Variants in CADM2 observed in about 807,000 individuals in gnomAD.
CADM2 encodes immunoglobulin superfamily member 4D.
Under a neutral mutation model 49.8 loss-of-function variants are expected in CADM2, and 12 were observed. The observed-to-expected ratio is 0.24, with a 90% CI of 0.15 to 0.39. The LOEUF (loss-of-function observed/expected upper bound fraction) is 0.39, where lower values mean the gene tolerates loss of function less well. CADM2 is among the 10% of genes least tolerant of loss of function. CADM2 has a pLI of 1.00. For missense variants in CADM2, 378 were observed against 492.3 expected (o/e 0.77, Z 2.20); for synonymous variants, 214 against 175.4 (o/e 1.22, Z -1.74).
chr3:85,430,195 A>G (rs1234392992), intron 1 of CADM2, among the ~76,000 whole-genome samples: 1 of 152,206 alleles, frequency 6.6e-6, no homozygotes, highest in Non-Finnish European at 1.5e-5. Context: ...AGATAATTGC[A>G]GGTACTTCAG....
intron 1 of CADM2, among the ~76,000 whole-genome samples, chr3:85,380,545 C>T (rs1452351388): frequency 6.6e-6 from 1 of 151,748 alleles, no homozygotes; most frequent in Non-Finnish European, 1.5e-5. Flanking sequence ...TTTTTAAATA[C>T]AATGATATAC....
At chr3:85,322,759 A>G (rs1263186255) in intron 1 of CADM2, among the ~76,000 whole-genome samples, 3 of 152,152 alleles carry the variant, frequency 2.0e-5, no homozygotes, top group African/African-American at 4.8e-5. Flanking sequence ...GTGCCTAAAC[A>G]CTGAGATCCA....
At chr3:85,189,483 A>C (rs551152542) in intron 1 of CADM2, among the ~76,000 whole-genome samples, 3 of 152,130 alleles carry the variant, frequency 2.0e-5, no homozygotes, top group Non-Finnish European at 4.4e-5. Context: ...TTATTTTTGA[A>C]CCCATAAAGA....
intron 1 of CADM2, among the ~76,000 whole-genome samples, chr3:85,506,988 C>G (rs978964106): frequency 1.3e-5 from 2 of 151,950 alleles, no homozygotes; most frequent in Admixed American, 1.3e-4. Context: ...TTATCTAAAA[C>G]AAGGTTTTTA....
intron 3 of CADM2, among the ~76,000 whole-genome samples, chr3:85,873,639 C>T (rs111532918): frequency 0.044 from 6,660 of 151,942 alleles, 499 homozygotes; most frequent in African/African-American, 0.15. Flanking sequence ...GCACTCCAGC[C>T]TGGGTGACAG....
At chr3:85,871,015 A>G (rs1333153712) in intron 3 of CADM2, among the ~76,000 whole-genome samples, 1 of 152,252 alleles carries the variant, frequency 6.6e-6, no homozygotes, top group Non-Finnish European at 1.5e-5. Flanking sequence ...GCCAAAAGCA[A>G]TCACAACAAA....
At chr3:86,061,971 A>G (rs535269217) in intron 8 of CADM2, among the ~76,000 whole-genome samples, 1 of 129,532 alleles carries the variant, frequency 7.7e-6, no homozygotes, top group South Asian at 2.7e-4. Flanking sequence ...AGAATCCCTC[A>G]GGTGCTGTTG....
At chr3:85,300,071 G>T (rs1339214639) in intron 1 of CADM2, among the ~76,000 whole-genome samples, 1 of 151,884 alleles carries the variant, frequency 6.6e-6, no homozygotes, top group Non-Finnish European at 1.5e-5. Flanking sequence ...CTCATGGAAG[G>T]CATGAGTGAT....
chr3:85,768,108 G>A (rs992048668), intron 2 of CADM2, among the ~76,000 whole-genome samples: 2 of 152,022 alleles, frequency 1.3e-5, no homozygotes, highest in African/African-American at 4.8e-5. Flanking sequence ...TTTACCATAA[G>A]TTCATTAACA....
At chr3:85,864,057 G>A (rs2075635002) in intron 3 of CADM2, among the ~76,000 whole-genome samples, 1 of 152,132 alleles carries the variant, frequency 6.6e-6, no homozygotes, top group Admixed American at 6.5e-5. Flanking sequence ...ATCTTAGGAC[G>A]AGAGTCCAGG....
At chr3:85,396,287 T>G (rs945247331) in intron 1 of CADM2, among the ~76,000 whole-genome samples, 2 of 151,968 alleles carry the variant, frequency 1.3e-5, no homozygotes, top group East Asian at 3.9e-4. Context: ...ATGTCATTAT[T>G]CATATATAAT....
At chr3:85,691,893 C>A in intron 1 of CADM2, among the ~76,000 whole-genome samples, 1 of 151,994 alleles carries the variant, frequency 6.6e-6, no homozygotes, top group African/African-American at 2.4e-5. Context: ...CCAAACACCG[C>A]ATGTTCTCAC....
intron 1 of CADM2, among the ~76,000 whole-genome samples, chr3:85,359,667 T>TATATATATATATA (rs1491224693): frequency 9.1e-4 from 15 of 16,478 alleles, no homozygotes; most frequent in East Asian, 1.9e-3. Flanking sequence ...TATATATATA[T>TATATATATATATA]TTTTTTTTTT....
intron 5 of CADM2, among the ~76,000 whole-genome samples, chr3:85,898,216 G>T (rs946281398): frequency 5.9e-5 from 9 of 152,038 alleles, no homozygotes; most frequent in African/African-American, 1.9e-4. Flanking sequence ...GAGTGGTTGA[G>T]TTGAAAGAAT....
At chr3:85,022,699 T>C (rs1185119529) in intron 1 of CADM2, among the ~76,000 whole-genome samples, 1 of 152,166 alleles carries the variant, frequency 6.6e-6, no homozygotes, top group Admixed American at 6.5e-5. Context: ...CTCCCTGCTC[T>C]TTGAATTCTG....
intron 1 of CADM2, among the ~76,000 whole-genome samples, chr3:85,219,568 T>C (rs2042001901): frequency 6.6e-6 from 1 of 152,164 alleles, no homozygotes; most frequent in Admixed American, 6.5e-5. Context: ...GCTAATACAG[T>C]GAATATGCCT....
chr3:85,315,097 T>C (rs997873856), intron 1 of CADM2, among the ~76,000 whole-genome samples: 1 of 152,184 alleles, frequency 6.6e-6, no homozygotes, highest in Non-Finnish European at 1.5e-5. Context: ...CAAGAATTCC[T>C]TAGCTTGCAG....
chr3:85,859,076 G>A (rs2075420521), intron 3 of CADM2, among the ~76,000 whole-genome samples: 1 of 151,944 alleles, frequency 6.6e-6, no homozygotes, highest in South Asian at 2.1e-4. Context: ...TATACTATTT[G>A]AGAAGTATAG....
intron 1 of CADM2, among the ~76,000 whole-genome samples, chr3:85,391,184 TGGG>T (rs1392376699): frequency 6.6e-6 from 1 of 152,078 alleles, no homozygotes; most frequent in Non-Finnish European, 1.5e-5. Flanking sequence ...AAGGATACAT[TGGG>T]TCTATTGTAT....
Sources: gnomAD v4.1 joint callset for allele counts (sites outside exome capture counted in the v4.1 genomes callset) on GRCh38, gnomAD v4.1.1 for gene constraint, MANE v1.5 for transcripts, NCBI Gene and HGNC (gene_info 2026-07-23, HGNC 2026-07-21) for gene names.